Variants in CDK5RAP3 observed in about 807,000 individuals in gnomAD.
CDK5RAP3 encodes CDK5 regulatory subunit associated protein 3.
In CDK5RAP3, 58 loss-of-function variants were observed where a neutral mutation model predicts 73.3. That is an observed-to-expected ratio of 0.79 (90% CI 0.64 to 0.98). CDK5RAP3 has a LOEUF of 0.98. Among genes scored for constraint, CDK5RAP3 ranks in the 50% least tolerant of loss-of-function variants. CDK5RAP3 has a pLI of 0.00. For missense variants in CDK5RAP3, 525 were observed against 615.8 expected (o/e 0.85, Z 1.56); for synonymous variants, 224 against 247.5 (o/e 0.91, Z 0.89).
In CDK5RAP3 at chr17:47,975,567, G is replaced by C; in HGVS notation, c.567G>C (p.Gln189His). 1 of 1,610,966 alleles carries C rather than the reference G, an allele frequency of 6.2e-7. No individual in the cohort carries two copies. Residue 189 changes from glutamine (Q) to histidine (H), a missense_variant, in exon 7 of 14, where the codon CAG (glutamine) becomes CAC (histidine). This residue lies in a region of CDK5RAP3 where 409 missense variants were observed against 429.8 expected (regional missense o/e 0.95). Transcript: ENST00000338399. ...LLALVKDLPS[Q>H]LAEIGAAAQQ... ...CCCTGGTGAAGGACCTGCCGAGTCA[G>C]CTGGCTGAGATTGGGGCAGCGGCTC...
At position 47,973,580 on chromosome 17, in the gene CDK5RAP3, C is replaced by T. The variant is rs373356458; in HGVS notation, c.114C>T (p.Arg38=). The T allele has an allele frequency of 1.5e-5, 25 of 1,614,148 alleles. No individual in the cohort carries two copies. The highest frequency in any genetic ancestry group is 2.2e-5 in the South Asian group (2 of 91,084). The change falls in exon 3 of 14, where the codon CGC becomes CGT. Residue 38 remains arginine, a synonymous_variant. Transcript: ENST00000338399. ...LKWQSLVLTI[R]EKINAAIQDM... ...GGCAGAGTCTGGTGCTGACGATCCG[C>T]GAGAAGATCAATGCTGCCATCCAGG...
At chr17:47,970,857 C>T (rs2144206421), upstream of CDK5RAP3, 1 of 1,417,994 alleles carries the variant, frequency 7.1e-7, no homozygotes, top group African/African-American at 1.4e-5. Context: ...GTCGCAATCC[C>T]ACGGCCGCTG....
intron 4 of CDK5RAP3, 57 bp downstream of exon 4, chr17:47,974,088 C>A: frequency 8.1e-7 from 1 of 1,228,334 alleles, no homozygotes; most frequent in South Asian, 1.2e-5. Flanking sequence ...TCCGAGGAGT[C>A]ATAGCCTCTG....
rs141963575 is a variant in CDK5RAP3 at position 47,971,542 on chromosome 17, A to T, written c.52+135A>T. The T allele has an allele frequency of 2.0e-3, 1,671 of 839,876 alleles. 21 individuals carry two copies. The African/African-American group carries it at 0.022, about 11-fold the overall frequency. 52.0% of individuals were successfully genotyped at this position (839,876 alleles called of 1,614,324 possible). A position where few individuals can be genotyped will look rare whatever the true frequency, so the allele number is the denominator to read the frequency against. On this transcript the variant is annotated intron_variant, in intron 2 of 13. Transcript: ENST00000338399. Reference sequence around the variant, plus strand: ...GACCACTGGCCTCGTTCTATGCCCCATCTGTGGCCAGACCTGCTTCCCTGA... The same window carrying T: ...GACCACTGGCCTCGTTCTATGCCCCTTCTGTGGCCAGACCTGCTTCCCTGA...
upstream of CDK5RAP3, chr17:47,970,493 T>G (rs1490497116): frequency 1.4e-5 from 9 of 648,654 alleles, no homozygotes; most frequent in Admixed American, 2.1e-4. Context: ...AAACTCCTCT[T>G]CCCACATCAC....
chr17:47,976,844 G>A, intron 9 of CDK5RAP3, 22 bp downstream of exon 9: 1 of 1,440,962 alleles, frequency 6.9e-7, no homozygotes, highest in Non-Finnish European at 9.6e-7. Context: ...TTCTCAGTCT[G>A]TCTCTCTCTG....
chr17:47,974,862 A>G (rs1467740438), intron 5 of CDK5RAP3: 10 of 1,302,702 alleles, frequency 7.7e-6, no homozygotes. Context: ...TGGGTGTAGT[A>G]TAAATAATAA....
Position 47,981,598 on chromosome 17 carries a change from G to A in CDK5RAP3, c.*96G>A. ...TGGGGCCCTTCAAGGCAAAAGACCA[G>A]GCTGACTGGAAGATGGAAAGCCACA... On this transcript the variant is annotated 3_prime_UTR_variant, in exon 14 of 14. Transcript: ENST00000338399. 1 of 1,608,234 alleles carries A rather than the reference G, an allele frequency of 6.2e-7. No homozygotes were observed. The highest frequency in any genetic ancestry group is 8.5e-7 in the Non-Finnish European group (1 of 1,178,396).
chr17:47,975,113 C>T, intron 5 of CDK5RAP3, 46 bp from the exon 6 acceptor site: 3 of 1,613,730 alleles, frequency 1.9e-6, no homozygotes, highest in Non-Finnish European at 2.5e-6. Context: ...GGCATGCCTG[C>T]CTCATGTGGG....
At chr17:47,968,360 G>A (rs553371761), upstream of CDK5RAP3, among the ~76,000 whole-genome samples, 3 of 152,256 alleles carry the variant, frequency 2.0e-5, no homozygotes, top group Non-Finnish European at 1.5e-5. Context: ...TGTTGCCCAG[G>A]CTGGAGTGCA....
Position 47,975,308 on chromosome 17 carries a change from T to C in CDK5RAP3, c.484T>C (p.Tyr162His), listed in dbSNP as rs757797602. 5.0e-6 allele frequency: 8 copies of C among 1,614,038 alleles called. No homozygotes were observed. The highest frequency in any genetic ancestry group is 3.3e-5 in the South Asian group (3 of 91,088). Residue 162 changes from tyrosine to histidine, a missense_variant, in exon 6 of 14, where the codon TAC (tyrosine) becomes CAC (histidine). Transcript: ENST00000338399. ...GGCTGCCGAGATGCGGGAGCAGTTC[T>C]ACCACTCCTGCAAGCAGTATGGCAT... ...AGAAEMREQFYHSCKQYGITG... is the reference protein window; with the variant it reads ...AGAAEMREQFHHSCKQYGITG...
chr17:47,970,885 T>G, upstream of CDK5RAP3: 1 of 1,430,132 alleles, frequency 7.0e-7, no homozygotes, highest in Non-Finnish European at 9.2e-7. Flanking sequence ...CCCCCTCCCG[T>G]CCCCTGCCCT....
At chr17:47,970,882 C>T, upstream of CDK5RAP3, 2 of 1,430,398 alleles carry the variant, frequency 1.4e-6, no homozygotes, top group Non-Finnish European at 1.9e-6. Flanking sequence ...GCACCCCCTC[C>T]CGTCCCCTGC....
rs1231622733 is a variant in CDK5RAP3, at chr17:47,973,761, G to A, written c.184+111G>A. 27 of 1,418,850 alleles carry A rather than the reference G, an allele frequency of 1.9e-5. No individual in the cohort carries two copies. The East Asian group carries it at 2.3e-4, about 12-fold the overall frequency. 87.9% of individuals were successfully genotyped at this position (1,418,850 alleles called of 1,614,324 possible). On this transcript the variant is annotated intron_variant, in intron 3 of 13. Coordinates refer to ENST00000338399, the MANE Select transcript of CDK5RAP3 (RefSeq NM_176096.3). ...CAGGGCTGGCCTTTAGAGAGGGAGC[G>A]ATTTTTATTTGAGGTATAGATGCTG...
intron 4 of CDK5RAP3, 117 bp downstream of exon 4, chr17:47,974,148 A>G (rs940338403): frequency 1.3e-6 from 1 of 774,226 alleles, no homozygotes; most frequent in Non-Finnish European, 2.2e-6. Context: ...TATTTCCTGA[A>G]CTTTCACTCT....
At chr17:47,971,967 C>T (rs1043580247) in intron 2 of CDK5RAP3, among the ~76,000 whole-genome samples, 4 of 152,090 alleles carry the variant, frequency 2.6e-5, no homozygotes, top group Non-Finnish European at 5.9e-5. Context: ...TGCACTCCAG[C>T]CTGGGCAACG....
chr17:47,973,103 A>G (rs779393742), intron 2 of CDK5RAP3, among the ~76,000 whole-genome samples: 15 of 152,216 alleles, frequency 9.9e-5, no homozygotes, highest in Admixed American at 1.3e-4. Flanking sequence ...AGTACTTGGC[A>G]TAACCATCTT....
At chr17:47,976,985 G>GT (rs1234573047) in intron 9 of CDK5RAP3, among the ~76,000 whole-genome samples, 163 bp downstream of exon 9, 1 of 152,054 alleles carries the variant, frequency 6.6e-6, no homozygotes, top group East Asian at 1.9e-4. Context: ...GTTTTGTTTT[G>GT]TTTTTTGAGA....
chr17:47,974,738 GC>G (rs2036356223), intron 5 of CDK5RAP3: 35 of 1,311,960 alleles, frequency 2.7e-5, no homozygotes, highest in Non-Finnish European at 3.3e-5. Flanking sequence ...GGAGTGTGCT[GC>G]CCCCACCCCC....
Sources: allele counts gnomAD v4.1 joint callset (sites outside exome capture counted in the v4.1 genomes callset), GRCh38; gene constraint gnomAD v4.1.1; regional missense constraint gnomAD v4.1.1; transcripts MANE v1.5; gene names NCBI Gene and HGNC (gene_info 2026-07-23, HGNC 2026-07-21).